RABGAP1L: variants seen among roughly 807,000 people sequenced by gnomAD.
The protein encoded by RABGAP1L is RAB GTPase activating protein 1 like.
Under a neutral mutation model 137.7 loss-of-function variants are expected in RABGAP1L, and 63 were observed. The ratio of observed to expected loss-of-function variants is 0.46; its 90% CI spans 0.37 to 0.56. The LOEUF is 0.56. RABGAP1L is among the 20% of genes least tolerant of loss of function. The pLI is 0.00. For synonymous variants in RABGAP1L, 431 were observed against 433.7 expected (o/e 0.99, Z 0.08); for missense variants, 1,095 against 1,244.0 (o/e 0.88, Z 1.80).
At chr1:174,726,574 C>T (rs566463209) in intron 17 of RABGAP1L, among the ~76,000 whole-genome samples, 1 of 152,068 alleles carries the variant, frequency 6.6e-6, no homozygotes, top group East Asian at 1.9e-4. Context: ...ACTGAATTAT[C>T]AAAATGAGGT....
At chr1:174,254,063 A>G (rs1349420703) in intron 7 of RABGAP1L, among the ~76,000 whole-genome samples, 1 of 151,822 alleles carries the variant, frequency 6.6e-6, no homozygotes, top group African/African-American at 2.4e-5. Context: ...CCTCTTAAAT[A>G]TAGGAGAAGG....
intron 11 of RABGAP1L, among the ~76,000 whole-genome samples, chr1:174,324,336 A>C (rs1405449121): frequency 6.6e-6 from 1 of 152,174 alleles, no homozygotes; most frequent in African/African-American, 2.4e-5. Context: ...GAAGAAAGAG[A>C]GGAGAAAGAC....
At chr1:174,789,903 GGATACAGA>G (rs1345851285) in intron 18 of RABGAP1L, among the ~76,000 whole-genome samples, 1 of 151,964 alleles carries the variant, frequency 6.6e-6, no homozygotes, top group Non-Finnish European at 1.5e-5. Context: ...TTTTCTAATT[GGATACAGA>G]GATAATACAT....
chr1:174,192,244 C>T (rs972936644), intron 1 of RABGAP1L, among the ~76,000 whole-genome samples: 5 of 150,630 alleles, frequency 3.3e-5, no homozygotes, highest in Admixed American at 2.6e-4. Flanking sequence ...TTGATTATTT[C>T]TCTAACTGCG....
intron 13 of RABGAP1L, among the ~76,000 whole-genome samples, chr1:174,461,043 G>A (rs908547713): frequency 3.3e-5 from 5 of 152,140 alleles, no homozygotes; most frequent in African/African-American, 9.7e-5. Context: ...ACTGAATTCT[G>A]TCAGTGCTGT....
chr1:174,518,674 A>C (rs1663085298), intron 13 of RABGAP1L, among the ~76,000 whole-genome samples: 1 of 152,190 alleles, frequency 6.6e-6, no homozygotes, highest in South Asian at 2.1e-4. Context: ...TGTGTTCTAT[A>C]TGAATGGCAC....
chr1:174,622,120 C>T (rs1376239250), intron 13 of RABGAP1L, among the ~76,000 whole-genome samples: 26 of 152,134 alleles, frequency 1.7e-4, no homozygotes, highest in Admixed American at 6.5e-5. Flanking sequence ...TCATCACTGG[C>T]CATCAGAGAA....
chr1:174,424,065 G>A (rs1433028552), intron 13 of RABGAP1L, among the ~76,000 whole-genome samples: 1 of 152,106 alleles, frequency 6.6e-6, no homozygotes, highest in Non-Finnish European at 1.5e-5. Flanking sequence ...CACAAAGAAA[G>A]CATAGCATAT....
chr1:174,571,416 A>G (rs1402149118), intron 13 of RABGAP1L, among the ~76,000 whole-genome samples: 1 of 152,146 alleles, frequency 6.6e-6, no homozygotes, highest in Non-Finnish European at 1.5e-5. Flanking sequence ...AATAACTAAA[A>G]TAGTATAATT....
intron 19 of RABGAP1L, among the ~76,000 whole-genome samples, chr1:174,863,163 G>A (rs1650534467): frequency 6.8e-6 from 1 of 147,860 alleles, no homozygotes; most frequent in African/African-American, 2.5e-5. Flanking sequence ...CAAAGTGCTG[G>A]GATTACAGGG....
intron 14 of RABGAP1L, among the ~76,000 whole-genome samples, chr1:174,673,157 T>C (rs1677314259): frequency 6.6e-6 from 1 of 152,000 alleles, no homozygotes; most frequent in South Asian, 2.1e-4. Flanking sequence ...AATTAAGCAA[T>C]CAAATATAAC....
At chr1:174,276,868 C>T (rs979442263) in intron 9 of RABGAP1L, among the ~76,000 whole-genome samples, 1 of 151,654 alleles carries the variant, frequency 6.6e-6, no homozygotes, top group Non-Finnish European at 1.5e-5. Context: ...GTTTTTTGCC[C>T]CTTCATTATC....
At chr1:174,621,409 C>G (rs1387974603) in intron 13 of RABGAP1L, among the ~76,000 whole-genome samples, 4 of 152,130 alleles carry the variant, frequency 2.6e-5, no homozygotes, top group Admixed American at 2.6e-4. Flanking sequence ...AATCCTAAGC[C>G]AAAAGAACAA....
At chr1:174,610,994 A>C (rs892738363) in intron 13 of RABGAP1L, among the ~76,000 whole-genome samples, 1 of 150,408 alleles carries the variant, frequency 6.6e-6, no homozygotes, top group African/African-American at 2.5e-5. Context: ...ATTTTCTCCC[A>C]TTCTGTAGGT....
Position 174,418,345 on chromosome 1 carries a change from A to G in RABGAP1L, c.1710+24200A>G, listed in dbSNP as rs72713571. 9.7e-3 allele frequency among the ~76,000 whole-genome samples: 1,476 copies of G among 152,342 alleles called. 14 individuals are homozygous for G. Among genetic ancestry groups the G allele is most frequent in the Non-Finnish European group, 0.015 (1,015 of 68,020 alleles). On this transcript the variant is annotated intron_variant, in intron 13 of 25. Coordinates refer to ENST00000681986, the MANE Select transcript of RABGAP1L (RefSeq NM_001366446.1). ...TCAATGTAGAATGATTTTTTACCAT[A>G]TAAGAGGAAAAATTATCTTGTTGCT...
chr1:174,543,521 A>G (rs894177188), intron 13 of RABGAP1L, among the ~76,000 whole-genome samples: 1 of 152,120 alleles, frequency 6.6e-6, no homozygotes, highest in Non-Finnish European at 1.5e-5. Flanking sequence ...TGAATACAGC[A>G]CACTGATGGT....
intron 18 of RABGAP1L, among the ~76,000 whole-genome samples, chr1:174,805,472 A>C (rs533728317): frequency 1.3e-5 from 2 of 151,926 alleles, no homozygotes; most frequent in South Asian, 4.1e-4. Context: ...TAGAGCCACT[A>C]ATTTCAAAAA....
chr1:174,534,234 T>G (rs1405780602), intron 13 of RABGAP1L, among the ~76,000 whole-genome samples: 1 of 151,698 alleles, frequency 6.6e-6, no homozygotes, highest in Non-Finnish European at 1.5e-5. Flanking sequence ...ATATCAATGG[T>G]GTATATTAAA....
intron 19 of RABGAP1L, chr1:174,874,578 C>CTT (rs10530813): frequency 5.8e-4 from 134 of 232,592 alleles, no homozygotes; most frequent in South Asian, 6.9e-4. Context: ...ACACCACTGC[C>CTT]TTTTTTTTTT....
Sources: gnomAD v4.1 joint callset for allele counts (sites outside exome capture counted in the v4.1 genomes callset) on GRCh38, gnomAD v4.1.1 for gene constraint, MANE v1.5 for transcripts, NCBI Gene and HGNC (gene_info 2026-07-23, HGNC 2026-07-21) for gene names.